NUP153: variants seen among roughly 807,000 people sequenced by gnomAD.
NUP153 encodes the protein nucleoporin 153, also known as nuclear pore complex protein Nup153.
Under a neutral mutation model 134.6 loss-of-function variants are expected in NUP153, and 27 were observed. The observed-to-expected ratio is 0.20, with a 90% confidence interval of 0.15 to 0.28. NUP153 has a LOEUF of 0.28. NUP153 is among the 10% of genes least tolerant of loss of function. The pLI is 1.00. For missense variants in NUP153, 1,821 were observed against 1,731.3 expected (o/e 1.05, Z -0.92); for synonymous variants, 640 against 623.5 (o/e 1.03, Z -0.40).
chr6:17,641,807 G>C (rs1322628102), intron 14 of NUP153, among the ~76,000 whole-genome samples: 2 of 150,826 alleles, frequency 1.3e-5, no homozygotes, highest in Non-Finnish European at 2.9e-5. Flanking sequence ...AAACGAGCTT[G>C]CACAACTGCA....
intron 1 of NUP153, among the ~76,000 whole-genome samples, chr6:17,697,807 T>G (rs542553583): frequency 6.7e-6 from 1 of 148,606 alleles, no homozygotes; most frequent in South Asian, 2.1e-4. Context: ...ACAGCTGGGG[T>G]GGGGGAAGGC....
intron 11 of NUP153, among the ~76,000 whole-genome samples, chr6:17,657,232 T>G (rs1316760721): frequency 1.3e-5 from 2 of 151,886 alleles, no homozygotes; most frequent in African/African-American, 2.4e-5. Flanking sequence ...TTGCTCTTAT[T>G]TGTCCGGTAT....
intron 11 of NUP153, among the ~76,000 whole-genome samples, chr6:17,655,441 C>T (rs1263227172): frequency 6.8e-6 from 1 of 146,502 alleles, no homozygotes; most frequent in African/African-American, 2.5e-5. Context: ...ACAAAAATAA[C>T]TTTAATCTTA....
chr6:17,640,175 T>TG lies in NUP153; in HGVS notation c.1721-112dup, dbSNP rs1765763913. 4.7e-6 allele frequency: 4 copies of TG among 845,936 alleles called. No individual in the cohort carries two copies. The Admixed American group carries it at 1.4e-4, about 30-fold the overall frequency. 52.4% of individuals were successfully genotyped at this position (845,936 alleles called of 1,614,324 possible). A position where few individuals can be genotyped will look rare whatever the true frequency, so the allele number is the denominator to read the frequency against. ...TTTTGGATTAATTTCTAAAAGTTCA[T>TG]GAAAAAAGTCACTTTAATTCAATAA... On this transcript the variant is annotated intron_variant, in intron 14 of 21. Coordinates refer to ENST00000262077, the MANE Select transcript of NUP153 (RefSeq NM_005124.4).
At chr6:17,696,613 G>T (rs557000441) in intron 1 of NUP153, among the ~76,000 whole-genome samples, 2 of 152,058 alleles carry the variant, frequency 1.3e-5, no homozygotes, top group Non-Finnish European at 2.9e-5. Flanking sequence ...AAATTAGCTG[G>T]GTGTGGTGGT....
At chr6:17,686,819 G>A (rs931474520) in intron 2 of NUP153, among the ~76,000 whole-genome samples, 7 of 139,032 alleles carry the variant, frequency 5.0e-5, no homozygotes, top group South Asian at 2.3e-4. Context: ...ATAGGCGTGC[G>A]AATAGAGTAT....
intron 11 of NUP153, among the ~76,000 whole-genome samples, chr6:17,660,490 C>T (rs372866124): frequency 4.5e-4 from 69 of 151,898 alleles, no homozygotes; most frequent in African/African-American, 1.6e-3. Context: ...TAAATCTGTC[C>T]CTATCTTTTC....
intron 11 of NUP153, among the ~76,000 whole-genome samples, chr6:17,656,362 G>C (rs1766821897): frequency 6.6e-6 from 1 of 152,182 alleles, no homozygotes; most frequent in Non-Finnish European, 1.5e-5. Flanking sequence ...AAAATTGGCA[G>C]TTGGCCAGAA....
intron 11 of NUP153, among the ~76,000 whole-genome samples, chr6:17,655,129 A>AAC (rs1766735684): frequency 6.6e-6 from 1 of 152,238 alleles, no homozygotes. Context: ...GCTTTTTAAC[A>AAC]ACACACACAA....
rs766747214 is a variant in NUP153 at position 17,662,063 on chromosome 6, T to C, written c.1223A>G (p.Tyr408Cys). ...TTGTCCGGGTGTCATATTTTTTTCA[T>C]ATCCAGTCTGCAGGGGAAATACACA... ...QRIDNKCSTGYEKNMTPGQNR... is the reference protein window; with the variant it reads ...QRIDNKCSTGCEKNMTPGQNR... Residue 408 changes from tyrosine to cysteine, a missense_variant, in exon 10 of 22, where the codon TAT becomes TGT. Physicochemically the swap from Tyr to Cys is radical, Grantham distance 194. Transcript: ENST00000262077. 5 of 1,612,684 alleles carry C rather than the reference T, an allele frequency of 3.1e-6. No homozygotes were observed. Among genetic ancestry groups the C allele is most frequent in the East Asian group, 4.5e-5 (2 of 44,776 alleles).
intron 15 of NUP153, 148 bp downstream of exon 15, chr6:17,639,791 A>G: frequency 1.6e-6 from 1 of 629,702 alleles, no homozygotes; most frequent in Non-Finnish European, 2.5e-6. Flanking sequence ...TTCCAGCAAA[A>G]GAATTACACC....
chr6:17,665,724 G>GT (rs987932482), intron 8 of NUP153, among the ~76,000 whole-genome samples: 1,536 of 145,748 alleles, frequency 0.011, 9 homozygotes, highest in Non-Finnish European at 0.017. Flanking sequence ...ACAGTTTTTT[G>GT]TTTTTTTTTT....
At chr6:17,618,312 G>A (rs1459040111) in intron 20 of NUP153, among the ~76,000 whole-genome samples, 2 of 152,134 alleles carry the variant, frequency 1.3e-5, no homozygotes, top group African/African-American at 2.4e-5. Flanking sequence ...TAGCCAAGGA[G>A]TACCAGGCAT....
At chr6:17,705,297 T>C (rs1292545540) in intron 1 of NUP153, among the ~76,000 whole-genome samples, 1 of 152,226 alleles carries the variant, frequency 6.6e-6, no homozygotes, top group Non-Finnish European at 1.5e-5. Context: ...AACATTTTCC[T>C]ATTCAATACT....
intron 5 of NUP153, among the ~76,000 whole-genome samples, chr6:17,669,836 G>A (rs1350030000): frequency 1.3e-5 from 2 of 152,046 alleles, no homozygotes; most frequent in Non-Finnish European, 2.9e-5. Flanking sequence ...GCTCATGTCT[G>A]TAATCCCAGC....
chr6:17,651,843 C>A (rs774003271), intron 11 of NUP153: 3 of 658,198 alleles, frequency 4.6e-6, no homozygotes, highest in South Asian at 1.6e-5. Flanking sequence ...CCTGTAATCT[C>A]AGCACTTTGA....
chr6:17,656,720 T>C (rs1354994297), intron 11 of NUP153, among the ~76,000 whole-genome samples: 2 of 152,082 alleles, frequency 1.3e-5, no homozygotes, highest in African/African-American at 4.8e-5. Flanking sequence ...TCCCCGCAAA[T>C]TGGCCTTAAG....
At chr6:17,702,498 A>C (rs1274414707) in intron 1 of NUP153, among the ~76,000 whole-genome samples, 6 of 151,734 alleles carry the variant, frequency 4.0e-5, no homozygotes, top group African/African-American at 1.5e-4. Context: ...ACAGAGCGAG[A>C]CTCTGTCTCA....
rs1554137480 is a variant in NUP153, at chr6:17,632,846, T to TGA, written c.2465-3_2465-2insTC. 5.4e-4 allele frequency: 466 copies of TGA among 865,038 alleles called. 5 individuals are homozygous for TGA. In the East Asian group the frequency reaches 0.011, roughly 21 times the overall value. 53.6% of individuals were successfully genotyped at this position (865,038 alleles called of 1,614,324 possible). Reference sequence around the variant, plus strand: ...TACTTGAAGCAGGTACTGAACTTCCTAAAAAAAAAAAAAAAAACGGGGAGT... The same window carrying TGA: ...TACTTGAAGCAGGTACTGAACTTCCTGAAAAAAAAAAAAAAAAAACGGGGAGT... On this transcript the variant is annotated splice_polypyrimidine_tract_variant and splice_region_variant and intron_variant, in intron 16 of 21. Coordinates refer to ENST00000262077, the MANE Select transcript of NUP153 (RefSeq NM_005124.4).
Sources: gnomAD v4.1 joint callset for allele counts (sites outside exome capture counted in the v4.1 genomes callset) on GRCh38, gnomAD v4.1.1 for gene constraint, MANE v1.5 for transcripts, NCBI Gene and HGNC (gene_info 2026-07-23, HGNC 2026-07-21) for gene names.